Variants in CRACR2A observed in about 807,000 individuals in gnomAD.
CRACR2A encodes calcium release activated channel regulator 2A, also known as EF-hand calcium-binding domain-containing protein 4B.
In CRACR2A, 79 loss-of-function variants were observed where a neutral mutation model predicts 90.5. The observed-to-expected ratio is 0.87, with a 90% CI of 0.73 to 1.05. The LOEUF (loss-of-function observed/expected upper bound fraction) is 1.05. Ranked by LOEUF, CRACR2A falls within the 50% of genes least tolerant of loss-of-function variation. CRACR2A has a pLI of 0.00. For synonymous variants in CRACR2A, 338 were observed against 356.7 expected (o/e 0.95, Z 0.59); for missense variants, 823 against 897.2 (o/e 0.92, Z 1.06).
chr12:3,743,948 C>T (rs1048783540), intron 1 of CRACR2A, among the ~76,000 whole-genome samples: 8 of 152,180 alleles, frequency 5.3e-5, no homozygotes, highest in Non-Finnish European at 7.3e-5. Flanking sequence ...AAAGAATGCT[C>T]GCTGGGGAAA....
chr12:3,697,226 A>G, intron 3 of CRACR2A, among the ~76,000 whole-genome samples, 191 bp from the exon 4 acceptor site: 1 of 152,342 alleles, frequency 6.6e-6, no homozygotes, highest in East Asian at 1.9e-4. Context: ...TAGATCAGCA[A>G]GCCCATCAAA....
rs1225516336 is a variant in CRACR2A, at chr12:3,633,338, G to C, written c.1735+266C>G. 2.0e-5 allele frequency among the ~76,000 whole-genome samples: 3 copies of C among 152,106 alleles called. No individual in the cohort carries two copies. Among genetic ancestry groups the C allele is most frequent in the Non-Finnish European group, 4.4e-5 (3 of 68,010 alleles). ...CCCAAATCTACCTTTACCAAATTTA[G>C]TTCCATAAACCCAAGGTTGGACTTA... On this transcript the variant is annotated intron_variant, in intron 15 of 19. Coordinates refer to ENST00000440314, the MANE Select transcript of CRACR2A (RefSeq NM_001144958.2). The surrounding 1 kb of genome is among the most constrained non-coding windows in gnomAD (Gnocchi z 4.5).
intron 4 of CRACR2A, among the ~76,000 whole-genome samples, chr12:3,684,474 G>T (rs1326214456): frequency 6.6e-6 from 1 of 152,166 alleles, no homozygotes; most frequent in African/African-American, 2.4e-5. Context: ...GGACCATCCT[G>T]TGTATTACAG....
At chr12:3,724,580 T>C (rs1263658785) in intron 2 of CRACR2A, among the ~76,000 whole-genome samples, 3 of 152,222 alleles carry the variant, frequency 2.0e-5, no homozygotes, top group Non-Finnish European at 2.9e-5. Flanking sequence ...TAGGAGAAGC[T>C]TGTCAGAAGT....
At chr12:3,626,649 G>A (rs1403431115) in intron 17 of CRACR2A, among the ~76,000 whole-genome samples, 4 of 152,154 alleles carry the variant, frequency 2.6e-5, no homozygotes, top group African/African-American at 9.7e-5. Flanking sequence ...GAAGGGGCGG[G>A]ACATCCTGCT....
intron 2 of CRACR2A, among the ~76,000 whole-genome samples, chr12:3,720,459 GAA>G (rs1946152220): frequency 7.0e-6 from 1 of 142,712 alleles, no homozygotes; most frequent in East Asian, 2.0e-4. Flanking sequence ...AAGAAAGAAA[GAA>G]AGAAAGCAAA....
chr12:3,726,382 A>G (rs1946264847), intron 2 of CRACR2A: 2 of 152,308 alleles, frequency 1.3e-5, no homozygotes, highest in African/African-American at 4.8e-5. Flanking sequence ...GTGCTCATGC[A>G]TGCCTGCACT....
intron 4 of CRACR2A, among the ~76,000 whole-genome samples, chr12:3,694,653 T>A (rs1945707388): frequency 6.6e-6 from 1 of 152,130 alleles, no homozygotes; most frequent in African/African-American, 2.4e-5. Flanking sequence ...CAGCTGACCA[T>A]GAGAAGCCTG....
chr12:3,619,351 G>A lies in CRACR2A; in HGVS notation c.1954C>T (p.Pro652Ser). ...SVEEAVGDRVPVLLLGNKLDN... is the reference protein window; with the variant it reads ...SVEEAVGDRVSVLLLGNKLDN... Reference sequence around the variant, plus strand: ...AGCTTATTACCCAGCAGAAGAACAGGCACCCGGTCTCCCACAGCTTCCTGC... The same window carrying A: ...AGCTTATTACCCAGCAGAAGAACAGACACCCGGTCTCCCACAGCTTCCTGC... Residue 652 changes from proline (P) to serine (S), a missense_variant, in exon 18 of 20, where the codon CCT (proline) becomes TCT (serine). By Grantham distance (74) the Pro-to-Ser change is moderately conservative (BLOSUM62 -1). Transcript: ENST00000440314. The A allele has an allele frequency of 1.9e-6, 3 of 1,551,682 alleles. No homozygotes were observed. Among genetic ancestry groups the A allele is most frequent in the Non-Finnish European group, 2.6e-6 (3 of 1,146,990 alleles).
rs77886736 is a variant in CRACR2A, at chr12:3,663,022, C to G, written c.672-3368G>C. Among the ~76,000 whole-genome samples, 880 of 152,300 alleles carry G rather than the reference C, an allele frequency of 5.8e-3. 4 individuals carry two copies. Among genetic ancestry groups the G allele is most frequent in the Middle Eastern group, 0.031 (9 of 294 alleles). On this transcript the variant is annotated intron_variant, in intron 7 of 19. Coordinates refer to ENST00000440314, the MANE Select transcript of CRACR2A (RefSeq NM_001144958.2). ...TATTCCAACCCTCATGACCCCTTCT[C>G]TGAACTCAGATGACAGCATATGTCT...
Position 3,638,104 on chromosome 12 carries a change from A to G in CRACR2A, c.1602+20T>C, listed in dbSNP as rs1164602762. ...ATCATAGAAGTGATGTGCATGAACC[A>G]AGGTAGGCTGTGCCCTTACCTTACA... is the stretch of plus-strand genomic sequence containing the variant. On this transcript the variant is annotated intron_variant, in intron 14 of 19. Transcript: ENST00000440314. The G allele has an allele frequency of 2.6e-6, 4 of 1,524,924 alleles. No homozygotes were observed. The highest frequency in any genetic ancestry group is 4.1e-5 in the Admixed American group (2 of 49,172). The allele number at this position is 1,524,924 out of a possible 1,614,324, so 94.5% of individuals were successfully genotyped here. A position where few individuals can be genotyped will look rare whatever the true frequency, so the allele number is the denominator to read the frequency against.
chr12:3,629,797 C>G (rs1467845426), intron 15 of CRACR2A, among the ~76,000 whole-genome samples: 2 of 133,202 alleles, frequency 1.5e-5, no homozygotes, highest in Non-Finnish European at 3.0e-5. Context: ...GCCGAGGAAG[C>G]AGATAAACAG....
rs1016900077 is a variant in CRACR2A at position 3,633,675 on chromosome 12, G to A, written c.1664C>T (p.Ala555Val). ...LFKIVFVGNSAVGKTSFLRRF... is the reference protein window; with the variant it reads ...LFKIVFVGNSVVGKTSFLRRF... ...CCTCAGGAAGGATGTCTTCCCCACCGCGGAATTGCCCACGAACACAATCTT... is the reference window on the plus strand; with the variant it reads ...CCTCAGGAAGGATGTCTTCCCCACCACGGAATTGCCCACGAACACAATCTT... The change falls in exon 15 of 20, where the codon GCG becomes GTG. Residue 555 changes from alanine (A) to valine (V), a missense_variant. Ala to Val is a moderately conservative substitution (Grantham distance 64, BLOSUM62 0). Coordinates refer to ENST00000440314, the MANE Select transcript of CRACR2A (RefSeq NM_001144958.2). The surrounding 1 kb of genome is among the most constrained non-coding windows in gnomAD (Gnocchi z 4.5). The A allele has an allele frequency of 2.2e-5, 34 of 1,551,604 alleles. No individual in the cohort carries two copies. The highest frequency in any genetic ancestry group is 1.7e-4 in the Middle Eastern group (1 of 6,014).
intron 4 of CRACR2A, among the ~76,000 whole-genome samples, chr12:3,692,693 G>A (rs1565491655): frequency 6.6e-6 from 1 of 152,180 alleles, no homozygotes; most frequent in Non-Finnish European, 1.5e-5. Flanking sequence ...CTGCAGCAGG[G>A]TGCCAGTGGG....
chr12:3,705,009 G>A (rs1380499547), intron 3 of CRACR2A, among the ~76,000 whole-genome samples: 5 of 152,166 alleles, frequency 3.3e-5, no homozygotes, highest in Non-Finnish European at 5.9e-5. Flanking sequence ...GCATGAGCTC[G>A]GCTGTCTCCC....
chr12:3,677,228 A>G (rs770747925), intron 6 of CRACR2A, among the ~76,000 whole-genome samples: 8 of 152,238 alleles, frequency 5.3e-5, no homozygotes, highest in Admixed American at 2.0e-4. Flanking sequence ...AAAATCTTTA[A>G]AGAGCCCTCA....
rs772842384 is a variant in CRACR2A at position 3,656,355 on chromosome 12, A to G, written c.814T>C (p.Cys272Arg). 6 of 1,613,976 alleles carry G rather than the reference A, an allele frequency of 3.7e-6. No homozygotes were observed. Among genetic ancestry groups the G allele is most frequent in the Admixed American group, 1.7e-5 (1 of 60,002 alleles). ...RSQELEQKLL[C>R]KEQELEQLTQ... ...AGCTGCTCCAGCTCCTGCTCCTTAC[A>G]TAACAGTTTCTGCTCCAGCTCTTGA... Residue 272 changes from cysteine to arginine, a missense_variant, in exon 9 of 20, where the codon TGT becomes CGT. Cys to Arg is a radical substitution (Grantham distance 180). Transcript: ENST00000440314.
chr12:3,678,042 C>T (rs1286802909), intron 6 of CRACR2A, among the ~76,000 whole-genome samples: 1 of 152,162 alleles, frequency 6.6e-6, no homozygotes, highest in African/African-American at 2.4e-5. Context: ...CAGCTGTAAT[C>T]AGTAGGGCAT....
chr12:3,649,626 G>A (rs1388291959), intron 10 of CRACR2A, among the ~76,000 whole-genome samples: 10 of 152,218 alleles, frequency 6.6e-5, no homozygotes, highest in Non-Finnish European at 1.3e-4. Context: ...AAGGAAGAGA[G>A]AGGCAGGGAG....
Sources: gnomAD v4.1 joint callset for allele counts (sites outside exome capture counted in the v4.1 genomes callset) on GRCh38, gnomAD v4.1.1 for gene constraint, Gnocchi (gnomAD v3.1) non-coding constraint, MANE v1.5 for transcripts, NCBI Gene and HGNC (gene_info 2026-07-23, HGNC 2026-07-21) for gene names.